GPR158: variants seen among roughly 807,000 people sequenced by gnomAD.
GPR158 encodes metabotropic glycine receptor.
GPR158 carries 30 observed loss-of-function variants against 78.2 expected under a neutral mutation model. The observed-to-expected ratio is 0.38, with a 90% CI of 0.29 to 0.52. GPR158 has a LOEUF of 0.52. Among genes scored for constraint, GPR158 ranks in the 20% least tolerant of loss-of-function variants. The pLI is 0.83. For synonymous variants in GPR158, 581 were observed against 591.1 expected (o/e 0.98, Z 0.25); for missense variants, 1,463 against 1,523.5 (o/e 0.96, Z 0.66).
intron 2 of GPR158, among the ~76,000 whole-genome samples, chr10:25,247,606 A>G (rs537910791): frequency 0.045 from 6,049 of 134,352 alleles, 405 homozygotes; most frequent in African/African-American, 0.17. Context: ...GAGAATGATG[A>G]TTTCCAATTT....
At chr10:25,489,410 T>C (rs1835774975) in intron 5 of GPR158, among the ~76,000 whole-genome samples, 1 of 152,204 alleles carries the variant, frequency 6.6e-6, no homozygotes, top group Non-Finnish European at 1.5e-5. Flanking sequence ...TGAGGTTTCA[T>C]ATTGTATGAA....
chr10:25,363,169 C>A (rs1052966544), intron 2 of GPR158, among the ~76,000 whole-genome samples: 3 of 151,908 alleles, frequency 2.0e-5, no homozygotes, highest in African/African-American at 7.2e-5. Flanking sequence ...ATTTGTTTGG[C>A]AGCCATACCA....
At chr10:25,387,516 ATT>A (rs57404980) in intron 2 of GPR158, among the ~76,000 whole-genome samples, 46,137 of 140,472 alleles carry the variant, frequency 0.33, 8,710 homozygotes, top group Non-Finnish European at 0.44. Context: ...TTCTCTTCAA[ATT>A]TTTTTTTTTT....
chr10:25,293,250 T>A (rs1311508559), intron 2 of GPR158, among the ~76,000 whole-genome samples: 1 of 152,190 alleles, frequency 6.6e-6, no homozygotes, highest in African/African-American at 2.4e-5. Context: ...TATCTGTAGG[T>A]GGAAAAACCT....
At chr10:25,478,798 C>CT (rs1355261499) in intron 5 of GPR158, among the ~76,000 whole-genome samples, 1 of 130,242 alleles carries the variant, frequency 7.7e-6, no homozygotes, top group East Asian at 2.2e-4. Context: ...TCCTCCCTCC[C>CT]CCCACCCCAC....
intron 2 of GPR158, among the ~76,000 whole-genome samples, chr10:25,309,420 G>A (rs1440282522): frequency 1.3e-5 from 2 of 151,808 alleles, no homozygotes; most frequent in African/African-American, 4.8e-5. Context: ...CATTGTTATT[G>A]AGTTTTAAGA....
intron 4 of GPR158, among the ~76,000 whole-genome samples, chr10:25,426,252 A>G (rs893066324): frequency 1.3e-5 from 2 of 152,142 alleles, no homozygotes; most frequent in Non-Finnish European, 2.9e-5. Flanking sequence ...TATCCAGACC[A>G]CTCAAACTTT....
rs1207849930 is a variant in GPR158, at chr10:25,598,947, T to G, written c.3321T>G (p.Pro1107=). 6.2e-7 allele frequency: 1 copy of G among 1,613,760 alleles called. No homozygotes were observed. The highest frequency in any genetic ancestry group is 2.2e-5 in the East Asian group (1 of 44,810). The change falls in exon 11 of 11, where the codon CCT becomes CCG. Residue 1107 remains proline (P), a synonymous_variant. Transcript: ENST00000376351. ...CAAAAGAGGAGAACGGAGGTCAGCC[T>G]CGTGCAGCCAATGTGTGTGCTGGGC... ...ERAKEENGGQ[P]RAANVCAGQS... is the part of the protein sequence containing the mutation.
At chr10:25,185,668 A>G (rs2130633971) in intron 1 of GPR158, among the ~76,000 whole-genome samples, 2 of 152,188 alleles carry the variant, frequency 1.3e-5, no homozygotes, top group East Asian at 3.9e-4. Context: ...CTAAAAATAC[A>G]AAAAATTAGC....
chr10:25,288,505 G>A (rs1402979656), intron 2 of GPR158, among the ~76,000 whole-genome samples: 3 of 152,230 alleles, frequency 2.0e-5, no homozygotes, highest in Non-Finnish European at 4.4e-5. Flanking sequence ...CAGTTCCAGT[G>A]CTCTAAATCT....
chr10:25,297,107 C>A (rs1337006885), intron 2 of GPR158, among the ~76,000 whole-genome samples: 3 of 152,190 alleles, frequency 2.0e-5, no homozygotes, highest in Admixed American at 6.5e-5. Flanking sequence ...TTTTAATTAG[C>A]TCTCCATAAC....
At chr10:25,555,297 ATAAGT>A in intron 6 of GPR158, among the ~76,000 whole-genome samples, 1 of 152,236 alleles carries the variant, frequency 6.6e-6, no homozygotes, top group Middle Eastern at 3.4e-3. Context: ...CATTGAATCT[ATAAGT>A]TAAGAGGAAG....
At chr10:25,269,547 C>G (rs1229213115) in intron 2 of GPR158, among the ~76,000 whole-genome samples, 1 of 152,156 alleles carries the variant, frequency 6.6e-6, no homozygotes, top group African/African-American at 2.4e-5. Context: ...TCTAGTTTTA[C>G]TTTCACTAGA....
intron 2 of GPR158, among the ~76,000 whole-genome samples, chr10:25,360,791 C>A (rs1855625447): frequency 6.6e-6 from 1 of 151,824 alleles, no homozygotes; most frequent in African/African-American, 2.4e-5. Context: ...TTTTCTAATT[C>A]TGCAAAGAAA....
chr10:25,429,551 G>A (rs1173904190), intron 4 of GPR158, among the ~76,000 whole-genome samples: 4 of 152,046 alleles, frequency 2.6e-5, no homozygotes, highest in Non-Finnish European at 1.5e-5. Context: ...GATCAGGAAT[G>A]CCTACGTTCT....
Position 25,203,208 on chromosome 10 carries a change from G to A in GPR158, c.903-17844G>A, listed in dbSNP as rs551242181. 4.3e-4 allele frequency among the ~76,000 whole-genome samples: 66 copies of A among 152,318 alleles called. 1 individual carries two copies. The highest frequency in any genetic ancestry group is 3.4e-3 in the Middle Eastern group (1 of 294). ...TTTACTCCCATTCTGTAGGTTGCCT[G>A]TTCACTCTGATGGTAGTTTCTTTTG... On this transcript the variant is annotated intron_variant, in intron 1 of 10. Transcript: ENST00000376351.
At chr10:25,580,799 T>C (rs1461376351) in intron 7 of GPR158, among the ~76,000 whole-genome samples, 2 of 152,178 alleles carry the variant, frequency 1.3e-5, no homozygotes, top group Non-Finnish European at 2.9e-5. Context: ...GACCATAGCT[T>C]GCTGCAGCTT....
At chr10:25,287,379 CT>C in intron 2 of GPR158, among the ~76,000 whole-genome samples, 1 of 152,066 alleles carries the variant, frequency 6.6e-6, no homozygotes, top group Non-Finnish European at 1.5e-5. Flanking sequence ...GTTTTCATGT[CT>C]TTTTTTGAGT....
chr10:25,459,846 T>A (rs1835334737), intron 4 of GPR158, among the ~76,000 whole-genome samples: 1 of 152,220 alleles, frequency 6.6e-6, no homozygotes, highest in Non-Finnish European at 1.5e-5. Flanking sequence ...TTTTTTTGTC[T>A]ATGGGTTTGA....
Sources: allele counts gnomAD v4.1 joint callset (sites outside exome capture counted in the v4.1 genomes callset), GRCh38; gene constraint gnomAD v4.1.1; transcripts MANE v1.5; gene names NCBI Gene and HGNC (gene_info 2026-07-23, HGNC 2026-07-21).